The following GALM variants were observed in gnomAD, a reference collection of about 807,000 sequenced individuals.
GALM encodes the protein aldose 1-epimerase.
Under a neutral mutation model 37.4 loss-of-function variants are expected in GALM, and 43 were observed. The observed-to-expected ratio is 1.15, with a 90% CI of 0.90 to 1.48. The LOEUF (loss-of-function observed/expected upper bound fraction) is 1.48, where lower values mean the gene tolerates loss of function less well. GALM is among the 40% of genes most tolerant of loss of function. The pLI, the probability that GALM is intolerant of heterozygous loss-of-function variation, is 0.00. For missense variants in GALM, 456 were observed against 419.1 expected (o/e 1.09, Z -0.77); for synonymous variants, 199 against 170.6 (o/e 1.17, Z -1.30).
At chr2:38,719,356 G>C (rs1666329572) in intron 4 of GALM, among the ~76,000 whole-genome samples, 1 of 151,456 alleles carries the variant, frequency 6.6e-6, no homozygotes. Flanking sequence ...TGTAATCCCA[G>C]CTACTCGGGA....
At chr2:38,725,650 T>C (rs1450612824) in intron 4 of GALM, among the ~76,000 whole-genome samples, 2 of 152,168 alleles carry the variant, frequency 1.3e-5, no homozygotes, top group Non-Finnish European at 2.9e-5. Context: ...AGCAGGACCC[T>C]GTCTTTAAAA....
chr2:38,683,783 T>G (rs1318422064), intron 3 of GALM, among the ~76,000 whole-genome samples: 1 of 152,186 alleles, frequency 6.6e-6, no homozygotes. Context: ...CCCAAGCTGG[T>G]CTCGAACTCC....
At position 38,722,030 on chromosome 2, in the gene GALM, T is replaced by TCCCCCCCCCCCCCCCCCCCCCC. The variant is rs1491365976; in HGVS notation, c.635-7517_635-7516insCCCCCCCCCCCCCCCCCCCCCC. On this transcript the variant is annotated intron_variant, in intron 4 of 6. Coordinates refer to ENST00000272252, the MANE Select transcript of GALM (RefSeq NM_138801.3). ...GTCCCTCCCCAACTATGCCTTCCCT[T>TCCCCCCCCCCCCCCCCCCCCCC]CCCCCCCCCACCCCCCCCCCCCACC... Among the ~76,000 whole-genome samples, 15 of 41,398 alleles carry TCCCCCCCCCCCCCCCCCCCCCC rather than the reference T, an allele frequency of 3.6e-4. 1 individual carries two copies. The highest frequency in any genetic ancestry group is 4.0e-4 in the African/African-American group (4 of 10,102). The allele number at this position is 41,398 out of a possible 152,430, so 27.2% of individuals were successfully genotyped here. A position where few individuals can be genotyped will look rare whatever the true frequency, so the allele number is the denominator to read the frequency against.
chr2:38,729,604 TG>T lies in GALM; in HGVS notation c.685del (p.Glu229SerfsTer20). On this transcript the variant is annotated frameshift_variant, in exon 5 of 7. Coordinates refer to ENST00000272252, the MANE Select transcript of GALM (RefSeq NM_138801.3). LOFTEE classifies it high-confidence loss of function. The stretch of plus-strand genomic sequence containing the variant: ...ACTGCATTCGACCTGAGAAAGCCAG[TG>T]GAGCTTGGAAAACACCTGCAGGACT... ...QGTAFDLRKP[V>X]ELGKHLQDFH... 6.2e-7 allele frequency: 1 copy of T among 1,613,616 alleles called. No individual in the cohort carries two copies. Among genetic ancestry groups the T allele is most frequent in the Non-Finnish European group, 8.5e-7 (1 of 1,179,608 alleles).
In GALM at chr2:38,733,589, T is replaced by C. The variant is rs756426562; in HGVS notation, c.*24T>C. 3.9e-5 allele frequency: 62 copies of C among 1,577,054 alleles called. No individual in the cohort carries two copies. In the South Asian group the frequency reaches 5.9e-4, roughly 15 times the overall value. ...AAGGAAGTGTGAAGATATGATCCAG[T>C]CCAGGGCTAGGCTCAGCCACCTGTC... On this transcript the variant is annotated 3_prime_UTR_variant, in exon 7 of 7. Transcript: ENST00000272252.
intron 3 of GALM, among the ~76,000 whole-genome samples, chr2:38,686,316 A>C (rs1437437779): frequency 1.7e-5 from 2 of 121,100 alleles, no homozygotes; most frequent in African/African-American, 3.0e-5. Context: ...CCCAGGCTGG[A>C]GTGCAGTGGC....
In GALM at chr2:38,682,563, G is replaced by T. The variant is rs940053313; in HGVS notation, c.552+1077G>T. Among the ~76,000 whole-genome samples the T allele has an allele frequency of 2.0e-5, 3 of 152,052 alleles. 1 individual carries two copies. In the South Asian group the frequency reaches 6.2e-4, roughly 32 times the overall value. On this transcript the variant is annotated intron_variant, in intron 3 of 6. Transcript: ENST00000272252. The stretch of plus-strand genomic sequence containing the variant: ...TAAAAAAGTTGACCCTTCACTTGCG[G>T]GTTCCTTATCCTCAGGAACTTTCAC...
chr2:38,703,619 C>T (rs567077816), intron 4 of GALM, among the ~76,000 whole-genome samples: 3 of 152,176 alleles, frequency 2.0e-5, no homozygotes, highest in African/African-American at 4.8e-5. Flanking sequence ...ATTCAAAGAC[C>T]GCACAGAATC....
intron 1 of GALM, 42 bp downstream of exon 1, chr2:38,666,393 C>T: frequency 6.9e-7 from 1 of 1,459,416 alleles, no homozygotes; most frequent in Non-Finnish European, 9.4e-7. Context: ...GGCCCCAGGC[C>T]CACGCTACAT....
At chr2:38,667,793 C>T (rs1267397290) in intron 1 of GALM, among the ~76,000 whole-genome samples, 2 of 152,008 alleles carry the variant, frequency 1.3e-5, no homozygotes, top group South Asian at 2.1e-4. Flanking sequence ...GCCGAGATTG[C>T]GCCACTGCAC....
intron 6 of GALM, among the ~76,000 whole-genome samples, chr2:38,732,849 G>A (rs1389592018): frequency 6.6e-6 from 1 of 151,000 alleles, no homozygotes; most frequent in Non-Finnish European, 1.5e-5. Context: ...AGCCTGGGAG[G>A]TCAAGGCTGC....
At chr2:38,698,801 G>A (rs1244234431) in intron 4 of GALM, among the ~76,000 whole-genome samples, 8 of 152,152 alleles carry the variant, frequency 5.3e-5, no homozygotes, top group African/African-American at 1.4e-4. Flanking sequence ...TTGAGATGGG[G>A]TCTCACTATG....
chr2:38,681,202 G>C (rs1665385338), intron 2 of GALM, 78 bp from the exon 3 acceptor site: 1 of 1,112,994 alleles, frequency 9.0e-7, no homozygotes, highest in South Asian at 1.2e-5. Context: ...TGTGAAATCA[G>C]TTGTCTTTAA....
chr2:38,692,373 T>G (rs1665698503), intron 4 of GALM, among the ~76,000 whole-genome samples: 1 of 152,160 alleles, frequency 6.6e-6, no homozygotes, highest in African/African-American at 2.4e-5. Context: ...CTGGCCCACT[T>G]TCCACTGAGA....
intron 1 of GALM, among the ~76,000 whole-genome samples, chr2:38,670,528 G>C (rs1441079720): frequency 1.3e-5 from 2 of 152,116 alleles, no homozygotes; most frequent in African/African-American, 4.8e-5. Context: ...CTTCCTTAAA[G>C]CTGTGCGACC....
intron 4 of GALM, among the ~76,000 whole-genome samples, chr2:38,726,428 G>A (rs922997860): frequency 1.3e-5 from 2 of 151,098 alleles, no homozygotes; most frequent in Middle Eastern, 6.9e-3. Flanking sequence ...GGTTTTCACC[G>A]TTTTAGCCGG....
At chr2:38,687,240 T>G (rs1199836040) in intron 3 of GALM, among the ~76,000 whole-genome samples, 1 of 152,212 alleles carries the variant, frequency 6.6e-6, no homozygotes, top group Non-Finnish European at 1.5e-5. Context: ...ACATCCTCTC[T>G]AGGCTAGACC....
chr2:38,671,885 G>A (rs1665113075), intron 1 of GALM, among the ~76,000 whole-genome samples: 1 of 152,024 alleles, frequency 6.6e-6, no homozygotes, highest in African/African-American at 2.4e-5. Flanking sequence ...CCAGCTATTT[G>A]GGAGGCTGAG....
Position 38,666,368 on chromosome 2 carries a change from C to T in GALM, c.190+17C>T. 1 of 1,592,286 alleles carries T rather than the reference C, an allele frequency of 6.3e-7. No individual in the cohort carries two copies. The highest frequency in any genetic ancestry group is 1.3e-5 in the African/African-American group (1 of 74,456). On this transcript the variant is annotated intron_variant, in intron 1 of 6. Coordinates refer to ENST00000272252, the MANE Select transcript of GALM (RefSeq NM_138801.3). ...AGTTGGAAGGTGGGTTGAACTGTGC[C>T]CTGGGCTGCGAGCAGGCCCCAGGCC...
Sources: allele counts gnomAD v4.1 joint callset (sites outside exome capture counted in the v4.1 genomes callset), GRCh38; gene constraint gnomAD v4.1.1; transcripts MANE v1.5; gene names NCBI Gene and HGNC (gene_info 2026-07-23, HGNC 2026-07-21).